The following PIEZO2 variants were observed in gnomAD, a reference collection of about 807,000 sequenced individuals.
PIEZO2 encodes piezo-type mechanosensitive ion channel component 2.
Under a neutral mutation model 337.3 loss-of-function variants are expected in PIEZO2, and 172 were observed. The ratio of observed to expected loss-of-function variants is 0.51; its 90% confidence interval spans 0.45 to 0.58. The LOEUF is 0.58. Ranked by LOEUF, PIEZO2 falls within the 20% of genes least tolerant of loss-of-function variation. The pLI is 0.00. For synonymous variants in PIEZO2, 1,251 were observed against 1,228.5 expected (o/e 1.02, Z -0.38); for missense variants, 3,028 against 3,391.3 (o/e 0.89, Z 2.66).
intron 2 of PIEZO2, among the ~76,000 whole-genome samples, chr18:11,046,190 G>T (rs559169210): frequency 6.6e-6 from 1 of 152,270 alleles, no homozygotes; most frequent in African/African-American, 2.4e-5. Context: ...ATGTGCGTGG[G>T]CCTTCAAAAA....
At chr18:11,086,242 C>G (rs533797456) in intron 1 of PIEZO2, among the ~76,000 whole-genome samples, 2 of 152,064 alleles carry the variant, frequency 1.3e-5, no homozygotes, top group Non-Finnish European at 2.9e-5. Flanking sequence ...AAAACAGGGC[C>G]GGGCGCAGTG....
intron 3 of PIEZO2, among the ~76,000 whole-genome samples, chr18:10,963,020 T>C (rs370170): frequency 0.51 from 77,973 of 151,962 alleles, 20,325 homozygotes; most frequent in African/African-American, 0.57. Flanking sequence ...GGTATGGTGG[T>C]TCATGCCTGT....
At position 11,128,279 on chromosome 18, in the gene PIEZO2, A is replaced by G. The variant is rs1379207363; in HGVS notation, c.64+20246T>C. ...CCTCAAATCTGCTAAGATTGCCTTG[A>G]GTGAGAGTCTTATCTCCTTAGAGAA... On this transcript the variant is annotated intron_variant, in intron 1 of 55. Coordinates refer to ENST00000674853, the MANE Select transcript of PIEZO2 (RefSeq NM_001378183.1). The surrounding 1 kb of genome is among the most constrained non-coding windows in gnomAD (Gnocchi z 4.1). Among the ~76,000 whole-genome samples the G allele has an allele frequency of 6.6e-6, 1 of 152,156 alleles. No individual in the cohort carries two copies. The highest frequency in any genetic ancestry group is 1.5e-5 in the Non-Finnish European group (1 of 68,024).
intron 27 of PIEZO2, among the ~76,000 whole-genome samples, chr18:10,756,619 T>C (rs548043963): frequency 9.6e-6 from 1 of 103,806 alleles, no homozygotes; most frequent in African/African-American, 3.9e-5. Context: ...AGGAGAAGGA[T>C]AGATGGAGGA....
At position 10,877,179 on chromosome 18, in the gene PIEZO2, A is replaced by G. The variant is rs1025035544; in HGVS notation, c.330-5764T>C. On this transcript the variant is annotated intron_variant, in intron 4 of 55. Transcript: ENST00000674853. This position sits in a 1 kb window ranked among gnomAD's most constrained non-coding sequence, Gnocchi z 5.3. The stretch of plus-strand genomic sequence containing the variant: ...CTTCATTTATTTTTCTTCTCACTCT[A>G]CAAGATCACCCTGGATGATATCCAT... Among the ~76,000 whole-genome samples, 9 of 152,162 alleles carry G rather than the reference A, an allele frequency of 5.9e-5. 1 individual carries two copies. The highest frequency in any genetic ancestry group is 4.6e-4 in the Admixed American group (7 of 15,272).
chr18:10,758,730 C>G (rs2037993176), intron 26 of PIEZO2, among the ~76,000 whole-genome samples: 1 of 152,176 alleles, frequency 6.6e-6, no homozygotes, highest in Non-Finnish European at 1.5e-5. Context: ...TCCTCCTTTG[C>G]ATTTGTAACC....
At position 11,069,828 on chromosome 18, in the gene PIEZO2, A is replaced by G. The variant is rs2038276067; in HGVS notation, c.65-3606T>C. Among the ~76,000 whole-genome samples the G allele has an allele frequency of 6.6e-6, 1 of 152,258 alleles. No individual in the cohort carries two copies. On this transcript the variant is annotated intron_variant, in intron 1 of 55. Transcript: ENST00000674853. The surrounding 1 kb of genome is among the most constrained non-coding windows in gnomAD (Gnocchi z 4.9). The stretch of plus-strand genomic sequence containing the variant: ...GAACTAATTAATTCAGTAAAGTTTC[A>G]AAATACAAAATCAACACAAGAAAAT...
intron 3 of PIEZO2, among the ~76,000 whole-genome samples, chr18:10,958,732 G>A (rs935504341): frequency 3.3e-5 from 5 of 152,152 alleles, no homozygotes; most frequent in African/African-American, 9.6e-5. Context: ...GAAACAAAAA[G>A]CTACTTTTCC....
chr18:10,937,525 C>T (rs933863168), intron 3 of PIEZO2, among the ~76,000 whole-genome samples: 1 of 152,102 alleles, frequency 6.6e-6, no homozygotes, highest in African/African-American at 2.4e-5. Flanking sequence ...ATTTCCCCTC[C>T]GTACAGAGCT....
intron 3 of PIEZO2, among the ~76,000 whole-genome samples, chr18:10,963,990 G>A (rs1266136982): frequency 6.6e-6 from 1 of 152,114 alleles, no homozygotes; most frequent in Non-Finnish European, 1.5e-5. Flanking sequence ...GGCTCTACAA[G>A]GTTCCCAAGA....
chr18:10,942,924 G>A lies in PIEZO2; in HGVS notation c.287-31696C>T, dbSNP rs909385177. Among the ~76,000 whole-genome samples the A allele has an allele frequency of 2.6e-5, 4 of 152,142 alleles. No homozygotes were observed. Among genetic ancestry groups the A allele is most frequent in the African/African-American group, 9.7e-5 (4 of 41,442 alleles). On this transcript the variant is annotated intron_variant, in intron 3 of 55. Transcript: ENST00000674853. The surrounding 1 kb of genome is among the most constrained non-coding windows in gnomAD (Gnocchi z 4.4). ...AGTCACTCCAGCCATGGCTGAAAGG[G>A]GCCAACACAGAGCTTGGGCTATGGC...
chr18:10,845,542 T>C (rs989580583), intron 7 of PIEZO2, among the ~76,000 whole-genome samples: 11 of 152,184 alleles, frequency 7.2e-5, no homozygotes, highest in African/African-American at 2.4e-4. Context: ...AGGGGGAACA[T>C]GGAACTGACA....
chr18:10,718,180 A>T lies in PIEZO2; in HGVS notation c.5089+20T>A, dbSNP rs1416058364. The T allele has an allele frequency of 6.5e-7, 1 of 1,529,108 alleles. No homozygotes were observed. Among genetic ancestry groups the T allele is most frequent in the Non-Finnish European group, 8.8e-7 (1 of 1,139,610 alleles). 94.7% of individuals were successfully genotyped at this position (1,529,108 alleles called of 1,614,324 possible). ...CATTTTCAAAGTTCCCACAGCTCAT[A>T]TTTGTCTTTATTTTGTTACCTGGTC... On this transcript the variant is annotated intron_variant, in intron 37 of 55. Coordinates refer to ENST00000674853, the MANE Select transcript of PIEZO2 (RefSeq NM_001378183.1).
chr18:10,846,173 T>C lies in PIEZO2; in HGVS notation c.917+9180A>G, dbSNP rs182862065. On this transcript the variant is annotated intron_variant, in intron 7 of 55. Transcript: ENST00000674853. The surrounding 1 kb of genome is among the most constrained non-coding windows in gnomAD (Gnocchi z 4.1). ...ACAAAAGAATGAGGTTTATTGGACT[T>C]ACAGTTCCACATGGCTAGGGAGGCC... is the stretch of plus-strand genomic sequence containing the variant. Among the ~76,000 whole-genome samples the C allele has an allele frequency of 4.6e-5, 7 of 152,310 alleles. No homozygotes were observed. The highest frequency in any genetic ancestry group is 1.9e-4 in the East Asian group (1 of 5,188).
At chr18:10,907,529 G>T (rs529361231) in intron 4 of PIEZO2, among the ~76,000 whole-genome samples, 2 of 152,174 alleles carry the variant, frequency 1.3e-5, no homozygotes, top group South Asian at 2.1e-4. Context: ...GACACACCCC[G>T]TGGAGGCGAG....
chr18:11,095,322 C>T (rs867254030), intron 1 of PIEZO2, among the ~76,000 whole-genome samples: 2 of 152,138 alleles, frequency 1.3e-5, no homozygotes, highest in Non-Finnish European at 2.9e-5. Context: ...CTTGCCATGC[C>T]AGGAAGACAC....
chr18:11,144,793 A>C (rs2040764413), intron 1 of PIEZO2, among the ~76,000 whole-genome samples: 1 of 152,128 alleles, frequency 6.6e-6, no homozygotes, highest in South Asian at 2.1e-4. Context: ...GGCAGCCATG[A>C]TCTCTAATCC....
chr18:10,798,315 G>A (rs2039683639), intron 11 of PIEZO2, among the ~76,000 whole-genome samples: 1 of 152,180 alleles, frequency 6.6e-6, no homozygotes, highest in Non-Finnish European at 1.5e-5. Context: ...TGTATAGGTG[G>A]GTTACAGGAG....
chr18:10,756,374 G>A (rs2037848312), intron 27 of PIEZO2, among the ~76,000 whole-genome samples: 2 of 150,662 alleles, frequency 1.3e-5, no homozygotes, highest in Admixed American at 1.3e-4. Context: ...CTATGGGGAT[G>A]TAGATAAAGG....
Sources: allele counts gnomAD v4.1 joint callset (sites outside exome capture counted in the v4.1 genomes callset), GRCh38; gene constraint gnomAD v4.1.1; non-coding constraint Gnocchi (gnomAD v3.1); transcripts MANE v1.5; gene names NCBI Gene and HGNC (gene_info 2026-07-23, HGNC 2026-07-21).